The following MCUB variants were observed in gnomAD, a reference collection of about 807,000 sequenced individuals.
The protein encoded by MCUB is mitochondrial calcium uniporter dominant negative subunit beta.
MCUB carries 46 observed loss-of-function variants against 41.4 expected under a neutral mutation model. The observed-to-expected ratio is 1.11, with a 90% CI of 0.88 to 1.42. The LOEUF (loss-of-function observed/expected upper bound fraction) is 1.42. Among genes scored for constraint, MCUB ranks in the 40% most tolerant of loss-of-function variants. The pLI is 0.00. For synonymous variants in MCUB, 148 were observed against 148.2 expected (o/e 1.00, Z 0.01); for missense variants, 403 against 404.9 (o/e 1.00, Z 0.04).
rs189174193 is a variant in MCUB at position 109,587,464 on chromosome 4, A to C, written c.99+27028A>C. Among the ~76,000 whole-genome samples the C allele has an allele frequency of 1.8e-4, 28 of 152,276 alleles. No homozygotes were observed. The East Asian group carries it at 5.2e-3, about 28-fold the overall frequency. ...ATTCGGCTTGGCCTCCATGGGCTGT[A>C]CCCACTGTCCAACCAGTCCCAATGA... On this transcript the variant is annotated intron_variant, in intron 1 of 7. Coordinates refer to ENST00000394650, the MANE Select transcript of MCUB (RefSeq NM_017918.5).
intron 1 of MCUB, among the ~76,000 whole-genome samples, chr4:109,600,798 A>G (rs1368677210): frequency 1.3e-5 from 2 of 151,964 alleles, no homozygotes; most frequent in Admixed American, 1.3e-4. Context: ...TTATATATAT[A>G]TATTTTTTTC....
intron 4 of MCUB, among the ~76,000 whole-genome samples, chr4:109,670,929 G>A (rs575567112): frequency 1.3e-4 from 20 of 152,178 alleles, no homozygotes; most frequent in African/African-American, 3.6e-4. Context: ...AGTTGTCCAC[G>A]CTGAGCCTCC....
chr4:109,685,435 C>T, intron 7 of MCUB, 68 bp downstream of exon 7: 1 of 678,116 alleles, frequency 1.5e-6, no homozygotes, highest in Admixed American at 2.2e-5. Flanking sequence ...GGAAGTATAA[C>T]TGGTGGCTCA....
intron 1 of MCUB, among the ~76,000 whole-genome samples, chr4:109,572,567 G>C (rs573381893): frequency 1.3e-5 from 2 of 152,032 alleles, no homozygotes; most frequent in African/African-American, 4.8e-5. Flanking sequence ...AGAATAAAAC[G>C]TGTCTTAGTA....
chr4:109,571,875 A>G (rs1356707652), intron 1 of MCUB, among the ~76,000 whole-genome samples: 2 of 152,246 alleles, frequency 1.3e-5, no homozygotes, highest in Non-Finnish European at 2.9e-5. Context: ...GGTCACATTT[A>G]GCTTCAAGAA....
intron 1 of MCUB, among the ~76,000 whole-genome samples, chr4:109,562,865 G>C (rs547189960): frequency 6.6e-5 from 10 of 151,546 alleles, no homozygotes; most frequent in Admixed American, 1.3e-4. Context: ...GTCTGCTAGT[G>C]TTTTCTGGGT....
intron 1 of MCUB, among the ~76,000 whole-genome samples, chr4:109,573,895 C>CA (rs1265754438): frequency 8.8e-6 from 1 of 113,398 alleles, no homozygotes. Context: ...TTTTTTGAGA[C>CA]AGAGTTTCGC....
chr4:109,566,445 A>G lies in MCUB; in HGVS notation c.99+6009A>G, dbSNP rs1267872418. ...AGATCGCGCCACTGCACTCTAGCCT[A>G]GGCAACAGAGTGAGACTCTGTCTCA... On this transcript the variant is annotated intron_variant, in intron 1 of 7. Coordinates refer to ENST00000394650, the MANE Select transcript of MCUB (RefSeq NM_017918.5). Among the ~76,000 whole-genome samples, 5 of 150,170 alleles carry G rather than the reference A, an allele frequency of 3.3e-5. No homozygotes were observed. In the East Asian group the frequency reaches 5.9e-4, roughly 18 times the overall value.
At chr4:109,664,262 A>G (rs1729293970) in intron 3 of MCUB, 28 bp from the exon 4 acceptor site, 5 of 1,050,404 alleles carry the variant, frequency 4.8e-6, no homozygotes, top group Non-Finnish European at 6.0e-6. Context: ...AAACAAAGAC[A>G]TGCTCATGCA....
chr4:109,574,325 T>G (rs1726980992), intron 1 of MCUB, among the ~76,000 whole-genome samples: 1 of 152,188 alleles, frequency 6.6e-6, no homozygotes, highest in African/African-American at 2.4e-5. Flanking sequence ...TTCAGCTCAG[T>G]TCAAGAAAAT....
chr4:109,650,141 C>A (rs955979857), intron 1 of MCUB, among the ~76,000 whole-genome samples: 2 of 152,138 alleles, frequency 1.3e-5, no homozygotes, highest in Non-Finnish European at 1.5e-5. Context: ...TTTGGTGAGT[C>A]ATTCTTGAAA....
At chr4:109,686,144 A>G (rs991115703) in intron 7 of MCUB, among the ~76,000 whole-genome samples, 4 of 152,216 alleles carry the variant, frequency 2.6e-5, no homozygotes, top group Admixed American at 2.6e-4. Context: ...GGACGTTTTA[A>G]TTTAAATTTT....
chr4:109,645,236 A>C (rs928640038), intron 1 of MCUB, among the ~76,000 whole-genome samples: 2 of 152,142 alleles, frequency 1.3e-5, no homozygotes, highest in South Asian at 4.1e-4. Flanking sequence ...CTTAAAATCA[A>C]CTGGTAGAGG....
intron 1 of MCUB, among the ~76,000 whole-genome samples, chr4:109,632,896 T>A (rs1310530809): frequency 1.3e-5 from 2 of 152,194 alleles, no homozygotes; most frequent in Non-Finnish European, 2.9e-5. Flanking sequence ...ATTACAGGCA[T>A]GAGCCACCAC....
At chr4:109,594,063 A>G (rs1254646812) in intron 1 of MCUB, among the ~76,000 whole-genome samples, 1 of 152,204 alleles carries the variant, frequency 6.6e-6, no homozygotes, top group African/African-American at 2.4e-5. Context: ...TAGAGAAGAA[A>G]AGCCTGTGGG....
chr4:109,681,555 C>T (rs1225044789), intron 4 of MCUB: 7 of 414,988 alleles, frequency 1.7e-5, no homozygotes, highest in East Asian at 7.5e-5. Flanking sequence ...TTCTAAGGAA[C>T]GGAATCTTGG....
chr4:109,644,283 A>G (rs1023079774), intron 1 of MCUB, among the ~76,000 whole-genome samples: 1 of 152,218 alleles, frequency 6.6e-6, no homozygotes, highest in Non-Finnish European at 1.5e-5. Context: ...GAAATAAATT[A>G]TAAGTCATTC....
intron 1 of MCUB, among the ~76,000 whole-genome samples, chr4:109,627,842 G>C (rs1728394181): frequency 6.6e-6 from 1 of 151,794 alleles, no homozygotes; most frequent in Admixed American, 6.6e-5. Flanking sequence ...GAACCTGGGA[G>C]GTGGAGGTTG....
At chr4:109,597,898 G>A (rs1488156448) in intron 1 of MCUB, among the ~76,000 whole-genome samples, 2 of 150,610 alleles carry the variant, frequency 1.3e-5, no homozygotes, top group East Asian at 4.1e-4. Flanking sequence ...GGGCAGAGAC[G>A]CTCCTCACCT....
Sources: allele counts gnomAD v4.1 joint callset (sites outside exome capture counted in the v4.1 genomes callset), GRCh38; gene constraint gnomAD v4.1.1; transcripts MANE v1.5; gene names NCBI Gene and HGNC (gene_info 2026-07-23, HGNC 2026-07-21).